Variants in DAAM2 observed in about 807,000 individuals in gnomAD.
DAAM2 encodes dishevelled associated activator of morphogenesis 2.
Under a neutral mutation model 120.7 loss-of-function variants are expected in DAAM2, and 39 were observed. The ratio of observed to expected loss-of-function variants is 0.32; its 90% CI spans 0.25 to 0.42. The LOEUF (loss-of-function observed/expected upper bound fraction) is 0.42, where lower values mean the gene tolerates loss of function less well. Among genes scored for constraint, DAAM2 ranks in the 10% least tolerant of loss-of-function variants. The pLI is 1.00. For synonymous variants in DAAM2, 488 were observed against 524.9 expected (o/e 0.93, Z 0.96); for missense variants, 1,283 against 1,401.7 (o/e 0.92, Z 1.35).
At chr6:39,841,599 A>G (rs1763343539) in intron 1 of DAAM2, among the ~76,000 whole-genome samples, 1 of 152,032 alleles carries the variant, frequency 6.6e-6, no homozygotes, top group African/African-American at 2.4e-5. Context: ...AAGGGGTGAC[A>G]GGATGGAAAA....
intron 14 of DAAM2, among the ~76,000 whole-genome samples, chr6:39,882,703 G>GCACACACACACACACGCA (rs1264369082): frequency 1.3e-5 from 2 of 150,262 alleles, no homozygotes; most frequent in South Asian, 4.3e-4. Context: ...TTCTGTGAGC[G>GCACACACACACACACGCA]CACACACACA....
intron 1 of DAAM2, among the ~76,000 whole-genome samples, chr6:39,798,611 G>C (rs139286896): frequency 2.9e-4 from 44 of 152,288 alleles, no homozygotes; most frequent in Non-Finnish European, 5.4e-4. Context: ...ATGACCAATT[G>C]CTGTGTCGGC....
intron 11 of DAAM2, among the ~76,000 whole-genome samples, chr6:39,876,828 C>T (rs1297678735): frequency 6.6e-6 from 1 of 152,122 alleles, no homozygotes; most frequent in African/African-American, 2.4e-5. Context: ...ATCTCCCACC[C>T]CTCCTTTCTA....
intron 1 of DAAM2, among the ~76,000 whole-genome samples, chr6:39,833,339 C>T (rs747054375): frequency 6.6e-6 from 1 of 151,936 alleles, no homozygotes; most frequent in Non-Finnish European, 1.5e-5. Flanking sequence ...GAGTCTCGCT[C>T]TGTCGCCCAG....
At position 39,904,274 on chromosome 6, in the gene DAAM2, A is replaced by G. The variant is rs1351838522; in HGVS notation, c.*2237A>G. 3 of 456,626 alleles carry G rather than the reference A, an allele frequency of 6.6e-6. No individual in the cohort carries two copies. Among genetic ancestry groups the G allele is most frequent in the East Asian group, 6.9e-5 (1 of 14,410 alleles). 28.3% of individuals were successfully genotyped at this position (456,626 alleles called of 1,614,324 possible). A position where few individuals can be genotyped will look rare whatever the true frequency, so the allele number is the denominator to read the frequency against. On this transcript the variant is annotated 3_prime_UTR_variant, in exon 25 of 25. Coordinates refer to ENST00000274867, the MANE Select transcript of DAAM2 (RefSeq NM_001201427.2). ...TCAGCCTTCTCACTCTAAAAGAAAG[A>G]TATTTTTCTATTTATTTTCTACATC...
In DAAM2 at chr6:39,879,323, G is replaced by T. The variant is rs766554509; in HGVS notation, c.1691G>T (p.Gly564Val). ...PPPPPPLPPGGPPTPPGAPPC... is the reference protein window; with the variant it reads ...PPPPPPLPPGVPPTPPGAPPC... ...CCACCACCACCCCTTCCTCCCGGGGGACCCCCGACTCCCCCAGGTGCCCCA... is the reference window on the plus strand; with the variant it reads ...CCACCACCACCCCTTCCTCCCGGGGTACCCCCGACTCCCCCAGGTGCCCCA... Residue 564 changes from glycine to valine, a missense_variant, in exon 14 of 25, where the codon GGA (glycine) becomes GTA (valine). Gly to Val is a moderately radical substitution (Grantham distance 109). Coordinates refer to ENST00000274867, the MANE Select transcript of DAAM2 (RefSeq NM_001201427.2). 6.3e-7 allele frequency: 1 copy of T among 1,594,592 alleles called. No homozygotes were observed. Among genetic ancestry groups the T allele is most frequent in the East Asian group, 2.2e-5 (1 of 44,496 alleles).
At chr6:39,899,966 C>G (rs1766373370) in intron 22 of DAAM2, 111 bp from the exon 23 acceptor site, 1 of 1,246,590 alleles carries the variant, frequency 8.0e-7, no homozygotes, top group African/African-American at 1.8e-5. Context: ...AGGGTGTTCC[C>G]TCTTCCAAAG....
chr6:39,820,338 T>A lies in DAAM2; in HGVS notation c.-57+27873T>A, dbSNP rs1425686608. 5 of 152,202 alleles carry A rather than the reference T, an allele frequency of 3.3e-5. No individual in the cohort carries two copies. In the South Asian group the frequency reaches 1.0e-3, roughly 31 times the overall value. The allele number at this position is 152,202 out of a possible 1,614,324, so 9.4% of individuals were successfully genotyped here. On this transcript the variant is annotated intron_variant, in intron 1 of 24. Transcript: ENST00000274867. Reference sequence around the variant, plus strand: ...GGTTTTAAAAAACTTTTTATTTCAGTTTTTGGCTGAAAGAAGAAGCTATTA... The same window carrying A: ...GGTTTTAAAAAACTTTTTATTTCAGATTTTGGCTGAAAGAAGAAGCTATTA...
intron 1 of DAAM2, among the ~76,000 whole-genome samples, chr6:39,832,846 C>T (rs116572884): frequency 0.03 from 4,620 of 152,198 alleles, 228 homozygotes; most frequent in African/African-American, 0.1. Flanking sequence ...TGGTCCGGTC[C>T]CCAGGGCTTC....
chr6:39,843,437 A>T (rs1323139205), intron 1 of DAAM2, among the ~76,000 whole-genome samples: 5 of 151,972 alleles, frequency 3.3e-5, no homozygotes, highest in African/African-American at 9.7e-5. Flanking sequence ...TTCAGTCTTG[A>T]CCATTCAGGG....
At chr6:39,890,718 T>C (rs59575755) in intron 17 of DAAM2, among the ~76,000 whole-genome samples, 2,916 of 152,240 alleles carry the variant, frequency 0.019, 94 homozygotes, top group African/African-American at 0.067. Flanking sequence ...TTAAAATGGG[T>C]GCATTTTATT....
chr6:39,802,972 T>C (rs1411086551), intron 1 of DAAM2, among the ~76,000 whole-genome samples: 3 of 152,144 alleles, frequency 2.0e-5, no homozygotes, highest in Non-Finnish European at 4.4e-5. Flanking sequence ...AGTGGGTGCT[T>C]ATTTGTGTCT....
At position 39,879,865 on chromosome 6, in the gene DAAM2, A is replaced by G. The variant is rs971906593; in HGVS notation, c.1845+388A>G. 1.9e-4 allele frequency: 66 copies of G among 352,798 alleles called. 4 individuals carry two copies. Among genetic ancestry groups the G allele is most frequent in the South Asian group, 1.4e-3 (59 of 41,942 alleles). 21.9% of individuals were successfully genotyped at this position (352,798 alleles called of 1,614,324 possible). Reference sequence around the variant, plus strand: ...TCTAGGTTTTGGTAAAGATCAGGACAATGTATACAAAGGACTAAAGAGTTT... The same window carrying G: ...TCTAGGTTTTGGTAAAGATCAGGACGATGTATACAAAGGACTAAAGAGTTT... On this transcript the variant is annotated intron_variant, in intron 14 of 24. Coordinates refer to ENST00000274867, the MANE Select transcript of DAAM2 (RefSeq NM_001201427.2).
chr6:39,895,158 T>C (rs7752607), intron 19 of DAAM2, among the ~76,000 whole-genome samples: 13,650 of 152,118 alleles, frequency 0.09, 1,253 homozygotes, highest in East Asian at 0.25. Context: ...TTTTAGGTTA[T>C]AGAGTATGTA....
At chr6:39,896,052 CAA>C (rs976552769) in intron 19 of DAAM2, among the ~76,000 whole-genome samples, 9 of 150,810 alleles carry the variant, frequency 6.0e-5, no homozygotes, top group Non-Finnish European at 1.2e-4. Flanking sequence ...TTTTTCTTTC[CAA>C]AAAACCAATA....
At chr6:39,841,046 G>A (rs1207760050) in intron 1 of DAAM2, among the ~76,000 whole-genome samples, 1 of 127,980 alleles carries the variant, frequency 7.8e-6, no homozygotes, top group African/African-American at 2.9e-5. Context: ...AGCTCCAGGG[G>A]CAGGGTTCCA....
intron 23 of DAAM2, 150 bp downstream of exon 23, chr6:39,900,358 G>A (rs1200510109): frequency 4.6e-6 from 4 of 871,356 alleles, no homozygotes; most frequent in Non-Finnish European, 5.1e-6. Flanking sequence ...AACAAGACAA[G>A]CAATGATAAC....
chr6:39,861,312 G>C, intron 3 of DAAM2: 1 of 436,514 alleles, frequency 2.3e-6, no homozygotes, highest in Non-Finnish European at 4.3e-6. Context: ...TCTCGTGCCT[G>C]CTCCCAGGCA....
chr6:39,829,871 C>T (rs1762812651), intron 1 of DAAM2, among the ~76,000 whole-genome samples: 1 of 152,130 alleles, frequency 6.6e-6, no homozygotes, highest in Non-Finnish European at 1.5e-5. Flanking sequence ...TATCATTTCT[C>T]CATTTATTAG....
Sources: gnomAD v4.1 joint callset for allele counts (sites outside exome capture counted in the v4.1 genomes callset) on GRCh38, gnomAD v4.1.1 for gene constraint, MANE v1.5 for transcripts, NCBI Gene and HGNC (gene_info 2026-07-23, HGNC 2026-07-21) for gene names.